DLG2: variants seen among roughly 807,000 people sequenced by gnomAD.
DLG2 encodes disks large homolog 2.
Under a neutral mutation model 132.5 loss-of-function variants are expected in DLG2, and 45 were observed. The ratio of observed to expected loss-of-function variants is 0.34; its 90% confidence interval spans 0.27 to 0.44. The LOEUF (loss-of-function observed/expected upper bound fraction) is 0.44. Ranked by LOEUF, DLG2 falls within the 20% of genes least tolerant of loss-of-function variation. The pLI is 1.00. For synonymous variants in DLG2, 424 were observed against 419.6 expected (o/e 1.01, Z -0.13); for missense variants, 1,045 against 1,196.9 (o/e 0.87, Z 1.87).
chr11:83,705,397 GGA>G (rs1297567016), intron 18 of DLG2, among the ~76,000 whole-genome samples: 1 of 152,078 alleles, frequency 6.6e-6, no homozygotes, highest in Non-Finnish European at 1.5e-5. Flanking sequence ...GACTTCAAAT[GGA>G]GAGAGTTAAA....
chr11:84,661,623 G>A (rs1159983794), intron 6 of DLG2, among the ~76,000 whole-genome samples: 2 of 152,120 alleles, frequency 1.3e-5, no homozygotes, highest in African/African-American at 4.8e-5. Flanking sequence ...ACAAGCCAGG[G>A]ATATAAGAGC....
chr11:84,152,992 AT>A (rs746639767), intron 9 of DLG2, among the ~76,000 whole-genome samples: 6 of 151,962 alleles, frequency 3.9e-5, no homozygotes, highest in Non-Finnish European at 8.8e-5. Context: ...TCATTCTTTG[AT>A]TTCTGTTTAG....
At chr11:85,513,533 G>A (rs1286326230) in intron 3 of DLG2, among the ~76,000 whole-genome samples, 2 of 151,878 alleles carry the variant, frequency 1.3e-5, no homozygotes, top group East Asian at 1.9e-4. Context: ...TATGAGTTTT[G>A]GGGTTCTTTT....
intron 18 of DLG2, among the ~76,000 whole-genome samples, chr11:83,679,548 A>T (rs145336108): frequency 7.2e-4 from 109 of 152,332 alleles, no homozygotes; most frequent in African/African-American, 2.5e-3. Flanking sequence ...AGTTTCCAAA[A>T]TAAAAACAAA....
In DLG2 at chr11:84,115,916, G is replaced by A. The variant is rs185257540; in HGVS notation, c.625-16869C>T. ...CATTTTCACCACTAACTGTATTCTC[G>A]TTTCTAGAACAGCACCAGACACATA... On this transcript the variant is annotated intron_variant, in intron 9 of 27. Coordinates refer to ENST00000376104, the MANE Select transcript of DLG2 (RefSeq NM_001142699.3). Among the ~76,000 whole-genome samples, 444 of 152,262 alleles carry A rather than the reference G, an allele frequency of 2.9e-3. 2 individuals carry two copies. The highest frequency in any genetic ancestry group is 5.6e-3 in the Non-Finnish European group (383 of 68,018).
intron 3 of DLG2, among the ~76,000 whole-genome samples, chr11:85,311,584 T>C (rs947325242): frequency 2.0e-5 from 3 of 152,124 alleles, no homozygotes; most frequent in African/African-American, 7.2e-5. Context: ...TGGTTACCCA[T>C]GCTGAGGTAA....
intron 7 of DLG2, among the ~76,000 whole-genome samples, chr11:84,353,352 C>A (rs2098593035): frequency 6.6e-6 from 1 of 152,166 alleles, no homozygotes; most frequent in African/African-American, 2.4e-5. Context: ...ACTCTTCCTG[C>A]AGTGTTCCCT....
chr11:85,268,940 G>A (rs2077371581), intron 4 of DLG2, among the ~76,000 whole-genome samples: 1 of 152,186 alleles, frequency 6.6e-6, no homozygotes, highest in South Asian at 2.1e-4. Flanking sequence ...GGAAGTATAT[G>A]CTGCTATTTC....
chr11:85,413,634 A>T (rs188418754), intron 3 of DLG2, among the ~76,000 whole-genome samples: 150 of 152,106 alleles, frequency 9.9e-4, no homozygotes, highest in Non-Finnish European at 1.4e-3. Context: ...CTAGCCAATT[A>T]TTCCAGCACC....
intron 8 of DLG2, among the ~76,000 whole-genome samples, chr11:84,197,416 T>C (rs1446973124): frequency 6.6e-6 from 1 of 152,210 alleles, no homozygotes; most frequent in Non-Finnish European, 1.5e-5. Flanking sequence ...TGTATAGCCA[T>C]TTTTAAAATT....
At chr11:85,181,965 T>C (rs538789050) in intron 4 of DLG2, among the ~76,000 whole-genome samples, 1 of 151,994 alleles carries the variant, frequency 6.6e-6, no homozygotes, top group South Asian at 2.1e-4. Context: ...TTTGTATTTT[T>C]CAAATTTGCC....
At chr11:84,268,401 G>A (rs1330608195) in intron 7 of DLG2, among the ~76,000 whole-genome samples, 1 of 151,412 alleles carries the variant, frequency 6.6e-6, no homozygotes, top group Non-Finnish European at 1.5e-5. Context: ...GGAACACTGA[G>A]TTCAAGGACC....
intron 6 of DLG2, among the ~76,000 whole-genome samples, chr11:85,102,828 A>G (rs1317213008): frequency 6.6e-6 from 1 of 151,988 alleles, no homozygotes; most frequent in Non-Finnish European, 1.5e-5. Flanking sequence ...AGGAAGAAGT[A>G]AAACTTTCTC....
intron 9 of DLG2, among the ~76,000 whole-genome samples, chr11:84,104,327 A>G (rs1359542820): frequency 1.3e-5 from 2 of 152,154 alleles, no homozygotes. Context: ...GAAACAGAAA[A>G]CCAAACACTG....
At chr11:83,833,004 C>A (rs539455255) in intron 17 of DLG2, among the ~76,000 whole-genome samples, 20 of 152,110 alleles carry the variant, frequency 1.3e-4, no homozygotes, top group African/African-American at 4.3e-4. Context: ...AGTAATATAT[C>A]ATTTTTAAAA....
At chr11:84,637,500 T>G (rs982917609) in intron 6 of DLG2, among the ~76,000 whole-genome samples, 2 of 152,210 alleles carry the variant, frequency 1.3e-5, no homozygotes, top group African/African-American at 4.8e-5. Context: ...CTGAAAGAAC[T>G]GAATTGAATT....
chr11:84,429,050 A>C (rs1015373651), intron 7 of DLG2, among the ~76,000 whole-genome samples: 6 of 152,164 alleles, frequency 3.9e-5, no homozygotes, highest in Non-Finnish European at 8.8e-5. Context: ...TCTTTCTCCA[A>C]AGAAAAAAGG....
intron 15 of DLG2, among the ~76,000 whole-genome samples, chr11:83,886,639 A>C (rs975206068): frequency 2.0e-5 from 3 of 151,800 alleles, no homozygotes; most frequent in African/African-American, 7.2e-5. Flanking sequence ...AATCAACAGA[A>C]TATACATTTT....
At chr11:83,872,791 G>C (rs1023217529) in intron 16 of DLG2, among the ~76,000 whole-genome samples, 2 of 152,206 alleles carry the variant, frequency 1.3e-5, no homozygotes, top group Admixed American at 1.3e-4. Context: ...TGGCCAAAAT[G>C]TGAAATGATA....
Sources: allele counts gnomAD v4.1 joint callset (sites outside exome capture counted in the v4.1 genomes callset), GRCh38; gene constraint gnomAD v4.1.1; transcripts MANE v1.5; gene names NCBI Gene and HGNC (gene_info 2026-07-23, HGNC 2026-07-21).